The following FN1 variants were observed in gnomAD, a reference collection of about 807,000 sequenced individuals.
FN1 encodes fibronectin.
A neutral mutation model predicts 297.3 loss-of-function variants in FN1; 106 were observed. The observed-to-expected ratio is 0.36, with a 90% CI of 0.30 to 0.42. The LOEUF (loss-of-function observed/expected upper bound fraction) is 0.42. Ranked by LOEUF, FN1 falls within the 10% of genes least tolerant of loss-of-function variation. FN1 has a pLI of 1.00. For synonymous variants in FN1, 1,149 were observed against 1,152.6 expected, an observed-to-expected ratio of 1.00 and a Z score of 0.06; for missense variants, 2,690 against 3,124.9, an observed-to-expected ratio of 0.86 and a Z score of 3.32.
chr2:215,424,237 G>A lies in FN1; in HGVS notation c.1125C>T (p.Thr375=). The change falls in exon 8 of 46, where the codon ACC becomes ACT. Residue 375 remains threonine (T), a synonymous_variant. Transcript: ENST00000354785. ...TYNGRTFYSC[T]TEGRQDGHLW... is the part of the protein sequence containing the mutation. Reference sequence around the variant, plus strand: ...GATGTCCGTCCTGTCGCCCTTCTGTGGTGCAGGAGTAGAACGTCCTGCCAT... The same window carrying A: ...GATGTCCGTCCTGTCGCCCTTCTGTAGTGCAGGAGTAGAACGTCCTGCCAT... 1 of 1,614,108 alleles carries A rather than the reference G, an allele frequency of 6.2e-7. No homozygotes were observed. Among genetic ancestry groups the A allele is most frequent in the Non-Finnish European group, 8.5e-7 (1 of 1,179,994 alleles).
At chr2:215,373,562 C>T (rs1360701753) in intron 38 of FN1, 151 bp from the exon 39 acceptor site, 4 of 683,284 alleles carry the variant, frequency 5.9e-6, no homozygotes, top group Non-Finnish European at 1.1e-5. Flanking sequence ...ACTTTTCCTC[C>T]ATAAACACCC....
At position 215,411,341 on chromosome 2, in the gene FN1, T is replaced by G. The variant is rs141940107; in HGVS notation, c.1942-1227A>C. ...TTTGTGCCCAGTGATTTTTAAAAAT[T>G]ACCCAGTCAACCATTTCCTCAATAA... On this transcript the variant is annotated intron_variant, in intron 13 of 45. Transcript: ENST00000354785. Among the ~76,000 whole-genome samples, 285 of 152,330 alleles carry G rather than the reference T, an allele frequency of 1.9e-3. 1 individual carries two copies. The highest frequency in any genetic ancestry group is 1.9e-3 in the Admixed American group (29 of 15,304).
In FN1 at chr2:215,422,220, T is replaced by C. The variant is rs2064524419; in HGVS notation, c.1417A>G (p.Asn473Asp). 2 of 1,613,980 alleles carry C rather than the reference T, an allele frequency of 1.2e-6. No individual in the cohort carries two copies. The highest frequency in any genetic ancestry group is 1.7e-5 in the Admixed American group (1 of 60,006). Residue 473 changes from asparagine (N) to aspartate (D), a missense_variant, in exon 10 of 46, where the codon AAT becomes GAT. By Grantham distance (23) the Asn-to-Asp change is conservative. Around this residue, in one of 3 missense-constraint regions of FN1, gnomAD observed 876 missense variants for 1,058.1 expected, o/e 0.83. Coordinates refer to ENST00000354785, the MANE Select transcript of FN1 (RefSeq NM_212482.4). ...MAAHEEICTT[N>D]EGVMYRIGDQ... ...CCAATGCGGTACATGACCCCTTCATTGGTTGTGCAGATTTCCTCGTGGGCT... is the reference window on the plus strand; with the variant it reads ...CCAATGCGGTACATGACCCCTTCATCGGTTGTGCAGATTTCCTCGTGGGCT...
At chr2:215,368,230 C>G (rs1199043469) in intron 41 of FN1, among the ~76,000 whole-genome samples, 2 of 152,206 alleles carry the variant, frequency 1.3e-5, no homozygotes, top group Non-Finnish European at 2.9e-5. Context: ...AGGCACCCGA[C>G]AGGAAGCCCA....
At chr2:215,372,852 T>C (rs1184736157) in intron 39 of FN1, among the ~76,000 whole-genome samples, 2 of 152,218 alleles carry the variant, frequency 1.3e-5, no homozygotes, top group African/African-American at 2.4e-5. Context: ...ATGTTCATTT[T>C]TGAAATTTTC....
At chr2:215,422,952 C>T (rs1381425697) in intron 9 of FN1, among the ~76,000 whole-genome samples, 1 of 152,130 alleles carries the variant, frequency 6.6e-6, no homozygotes, top group Non-Finnish European at 1.5e-5. Context: ...CAAACCACAA[C>T]CATGTGTCAA....
intron 17 of FN1, 131 bp from the exon 18 acceptor site, chr2:215,407,452 T>C: frequency 2.6e-6 from 2 of 775,808 alleles, no homozygotes; most frequent in Non-Finnish European, 4.5e-6. Flanking sequence ...TGATACTTTT[T>C]GACTCTTTGA....
At chr2:215,408,024 C>T (rs2062023479) in intron 17 of FN1, 84 bp downstream of exon 17, 2 of 961,470 alleles carry the variant, frequency 2.1e-6, no homozygotes, top group Non-Finnish European at 3.4e-6. Flanking sequence ...AAGTGATATG[C>T]AGGTCCGCAG....
chr2:215,412,222 G>A (rs2062761105), intron 13 of FN1, among the ~76,000 whole-genome samples: 1 of 150,588 alleles, frequency 6.6e-6, no homozygotes, highest in Non-Finnish European at 1.5e-5. Context: ...CATTTGTTAA[G>A]CAGTGTGCCA....
chr2:215,417,798 T>C (rs1394902882), intron 12 of FN1, among the ~76,000 whole-genome samples: 1 of 152,164 alleles, frequency 6.6e-6, no homozygotes, highest in East Asian at 1.9e-4. Context: ...AAGGATTCCT[T>C]CCTTTCCAGA....
intron 44 of FN1, 114 bp from the exon 45 acceptor site, chr2:215,362,193 C>T: frequency 1.4e-6 from 1 of 736,552 alleles, no homozygotes; most frequent in South Asian, 1.5e-5. Flanking sequence ...AAAATATAAG[C>T]AGTTAATCAC....
At chr2:215,394,839 T>G (rs1264883916) in intron 23 of FN1, 120 bp from the exon 24 acceptor site, 1 of 742,772 alleles carries the variant, frequency 1.3e-6, no homozygotes, top group Admixed American at 2.0e-5. Flanking sequence ...TACTGAGGAC[T>G]CCACTGTCAC....
intron 10 of FN1, 50 bp from the exon 11 acceptor site, chr2:215,420,851 A>T: frequency 6.3e-7 from 1 of 1,588,254 alleles, no homozygotes; most frequent in Non-Finnish European, 8.6e-7. Context: ...AGTTCCATTG[A>T]TGAAAGAAAA....
intron 23 of FN1, among the ~76,000 whole-genome samples, chr2:215,395,172 A>G (rs2060169600): frequency 6.6e-6 from 1 of 152,162 alleles, no homozygotes; most frequent in African/African-American, 2.4e-5. Context: ...CCTTAAGCAC[A>G]TTCCCCAGAG....
intron 1 of FN1, 44 bp from the exon 2 acceptor site, chr2:215,434,868 T>C (rs1304976569): frequency 6.2e-7 from 1 of 1,602,510 alleles, no homozygotes; most frequent in Admixed American, 1.7e-5. Flanking sequence ...ATTTCTCCTT[T>C]TCCCAAAATT....
intron 5 of FN1, among the ~76,000 whole-genome samples, chr2:215,429,429 C>CTGA (rs960340430): frequency 2.6e-4 from 40 of 152,258 alleles, no homozygotes; most frequent in African/African-American, 9.6e-4. Flanking sequence ...TATAGAGGAT[C>CTGA]TGATGTCTTT....
Position 215,389,777 on chromosome 2 carries a change from G to A in FN1, c.4253-1476C>T, listed in dbSNP as rs192049557. On this transcript the variant is annotated intron_variant, in intron 26 of 45. Transcript: ENST00000354785. Reference sequence around the variant, plus strand: ...TGCACTCCATCCTGGGCAACAGAGGGAGACTCCGTCTCAAAAACAAAACAA... The same window carrying A: ...TGCACTCCATCCTGGGCAACAGAGGAAGACTCCGTCTCAAAAACAAAACAA... Among the ~76,000 whole-genome samples the A allele has an allele frequency of 4.4e-3, 656 of 147,990 alleles. 4 individuals are homozygous for A. Among genetic ancestry groups the A allele is most frequent in the African/African-American group, 0.016 (631 of 40,696 alleles).
chr2:215,386,428 C>CA (rs2058996765), intron 28 of FN1, among the ~76,000 whole-genome samples: 1 of 151,848 alleles, frequency 6.6e-6, no homozygotes, highest in Non-Finnish European at 1.5e-5. Context: ...CATAAATACC[C>CA]AAATCAGGTG....
chr2:215,368,356 A>G (rs566553774), intron 41 of FN1, among the ~76,000 whole-genome samples: 2 of 152,352 alleles, frequency 1.3e-5, no homozygotes, highest in South Asian at 4.1e-4. Context: ...GTGGGATGCA[A>G]AGACTAATGA....
Sources: gnomAD v4.1 joint callset for allele counts (sites outside exome capture counted in the v4.1 genomes callset) on GRCh38, gnomAD v4.1.1 for gene constraint, gnomAD v4.1.1 regional missense constraint, MANE v1.5 for transcripts, NCBI Gene and HGNC (gene_info 2026-07-23, HGNC 2026-07-21) for gene names.